AGBL4: variants seen among roughly 807,000 people sequenced by gnomAD.
AGBL4 encodes the protein AGBL carboxypeptidase 4.
AGBL4 carries 58 observed loss-of-function variants against 66.4 expected under a neutral mutation model. The ratio of observed to expected loss-of-function variants is 0.87; its 90% CI spans 0.71 to 1.09. The LOEUF is 1.09. Among genes scored for constraint, AGBL4 ranks in the 50% least tolerant of loss-of-function variants. The probability of loss-of-function intolerance (pLI) is 0.00; values close to 1 mark genes in which losing one functional copy is unlikely to be tolerated. For synonymous variants in AGBL4, 234 were observed against 222.9 expected, an observed-to-expected ratio of 1.05 and a Z score of -0.44; for missense variants, 579 against 631.0, an observed-to-expected ratio of 0.92 and a Z score of 0.88.
chr1:48,590,932 A>G lies in AGBL4; in HGVS notation c.1005T>C (p.Asn335=), dbSNP rs1260371881. ...CAAAGATGTTGCCATACATGAAGCCATTCATCATGGTGGAGTGGGCATGGA... is the reference window on the plus strand; with the variant it reads ...CAAAGATGTTGCCATACATGAAGCCGTTCATCATGGTGGAGTGGGCATGGA... ...IDIHAHSTMM[N]GFMYGNIFED... The change falls in exon 10 of 14, where the codon AAT becomes AAC. Residue 335 remains asparagine (N), a synonymous_variant. Coordinates refer to ENST00000371839, the MANE Select transcript of AGBL4 (RefSeq NM_032785.4). 3 of 1,610,594 alleles carry G rather than the reference A, an allele frequency of 1.9e-6. No individual in the cohort carries two copies. The East Asian group carries it at 6.7e-5, about 36-fold the overall frequency.
At chr1:48,823,376 C>T (rs1488720597) in intron 6 of AGBL4, among the ~76,000 whole-genome samples, 1 of 152,196 alleles carries the variant, frequency 6.6e-6, no homozygotes, top group African/African-American at 2.4e-5. Context: ...ATGCACACTC[C>T]AAGGTTGGCT....
At chr1:49,420,448 C>G (rs2148641067) in intron 3 of AGBL4, among the ~76,000 whole-genome samples, 1 of 152,082 alleles carries the variant, frequency 6.6e-6, no homozygotes, top group African/African-American at 2.4e-5. Context: ...CGCCTGTAAT[C>G]CCAGCACGTT....
intron 3 of AGBL4, among the ~76,000 whole-genome samples, chr1:49,261,110 G>A (rs1255777369): frequency 2.6e-5 from 4 of 151,924 alleles, no homozygotes; most frequent in East Asian, 3.9e-4. Context: ...ATTCAACAAC[G>A]CTTCATGCTA....
chr1:49,556,264 C>A (rs919001781), intron 3 of AGBL4, among the ~76,000 whole-genome samples: 2 of 152,082 alleles, frequency 1.3e-5, no homozygotes, highest in Admixed American at 1.3e-4. Context: ...TCATTCTCAG[C>A]AAACTATCAC....
intron 3 of AGBL4, among the ~76,000 whole-genome samples, chr1:49,313,264 C>T (rs1169671117): frequency 6.6e-6 from 1 of 152,114 alleles, no homozygotes; most frequent in African/African-American, 2.4e-5. Flanking sequence ...TTTCTTTAAC[C>T]AGTCTATCAT....
At chr1:48,871,342 T>A (rs964440620) in intron 5 of AGBL4, among the ~76,000 whole-genome samples, 2 of 147,060 alleles carry the variant, frequency 1.4e-5, no homozygotes, top group Admixed American at 6.9e-5. Context: ...CCTTCACATG[T>A]GTAGTAGTGG....
chr1:48,867,374 G>T, intron 5 of AGBL4, 144 bp from the exon 6 acceptor site: 2 of 845,526 alleles, frequency 2.4e-6, no homozygotes, highest in Non-Finnish European at 2.0e-6. Context: ...TTCCAATTCT[G>T]CAGAGAGGGT....
intron 1 of AGBL4, among the ~76,000 whole-genome samples, chr1:49,867,403 A>G (rs1646729280): frequency 6.6e-6 from 1 of 151,260 alleles, no homozygotes; most frequent in Non-Finnish European, 1.5e-5. Flanking sequence ...GGTTTGTTAC[A>G]TATGTATACA....
At chr1:49,802,589 A>C (rs1337104432) in intron 2 of AGBL4, among the ~76,000 whole-genome samples, 3 of 152,140 alleles carry the variant, frequency 2.0e-5, no homozygotes, top group African/African-American at 7.2e-5. Context: ...GTTATGTTAA[A>C]GAATTACTTC....
At chr1:49,908,095 CAGG>C in intron 1 of AGBL4, among the ~76,000 whole-genome samples, 1 of 152,040 alleles carries the variant, frequency 6.6e-6, no homozygotes, top group South Asian at 2.1e-4. Flanking sequence ...GTCTCAAGGC[CAGG>C]CATGGTGGCT....
rs1390402822 is a variant in AGBL4, at chr1:49,287,408, C to G, written c.283-41544G>C. 1.3e-4 allele frequency among the ~76,000 whole-genome samples: 19 copies of G among 148,940 alleles called. No individual in the cohort carries two copies. The South Asian group carries it at 1.7e-3, about 14-fold the overall frequency. ...AGCTTCTGCACAGCAAAAGAAACTA[C>G]CATCAGAGTGAACAGGCAACCTACA... On this transcript the variant is annotated intron_variant, in intron 3 of 13. Coordinates refer to ENST00000371839, the MANE Select transcript of AGBL4 (RefSeq NM_032785.4).
chr1:49,366,471 A>T (rs1644243583), intron 3 of AGBL4, among the ~76,000 whole-genome samples: 1 of 152,212 alleles, frequency 6.6e-6, no homozygotes, highest in Non-Finnish European at 1.5e-5. Context: ...GAGAGTCTAA[A>T]CAGCACAATT....
At chr1:48,909,401 C>G (rs1652891507) in intron 5 of AGBL4, among the ~76,000 whole-genome samples, 1 of 152,112 alleles carries the variant, frequency 6.6e-6, no homozygotes, top group African/African-American at 2.4e-5. Flanking sequence ...AAGGCAGAAG[C>G]CATTAGATAC....
At chr1:49,851,718 G>C (rs540622464) in intron 1 of AGBL4, among the ~76,000 whole-genome samples, 200 bp from the exon 2 acceptor site, 2 of 152,148 alleles carry the variant, frequency 1.3e-5, no homozygotes, top group South Asian at 4.1e-4. Flanking sequence ...TCAAATAACT[G>C]CTAATTCTCT....
intron 3 of AGBL4, among the ~76,000 whole-genome samples, chr1:49,367,081 C>G (rs1016931618): frequency 6.6e-6 from 1 of 152,114 alleles, no homozygotes; most frequent in Non-Finnish European, 1.5e-5. Flanking sequence ...AGGTCCAGCA[C>G]AAAACAGGAT....
chr1:49,386,706 A>G (rs1049704158), intron 3 of AGBL4, among the ~76,000 whole-genome samples: 1 of 152,026 alleles, frequency 6.6e-6, no homozygotes, highest in African/African-American at 2.4e-5. Context: ...TGAAGTATTT[A>G]TCAGCTCAGA....
At chr1:49,750,548 T>C (rs988452096) in intron 2 of AGBL4, among the ~76,000 whole-genome samples, 1 of 152,182 alleles carries the variant, frequency 6.6e-6, no homozygotes, top group Non-Finnish European at 1.5e-5. Context: ...ATTGTTCTAT[T>C]TTCTTAGTAT....
chr1:49,738,981 T>G (rs533533450), intron 2 of AGBL4, among the ~76,000 whole-genome samples: 1 of 152,218 alleles, frequency 6.6e-6, no homozygotes, highest in African/African-American at 2.4e-5. Flanking sequence ...AACTAAAAAG[T>G]CTGAAAATCA....
intron 2 of AGBL4, among the ~76,000 whole-genome samples, chr1:49,825,981 CTGTT>C (rs1353836987): frequency 6.6e-6 from 1 of 152,152 alleles, no homozygotes; most frequent in African/African-American, 2.4e-5. Flanking sequence ...ACAACCAGAA[CTGTT>C]TGTTTCCAAA....
Sources: gnomAD v4.1 joint callset for allele counts (sites outside exome capture counted in the v4.1 genomes callset) on GRCh38, gnomAD v4.1.1 for gene constraint, MANE v1.5 for transcripts, NCBI Gene and HGNC (gene_info 2026-07-23, HGNC 2026-07-21) for gene names.